The following BTBD9 variants were observed in gnomAD, a reference collection of about 807,000 sequenced individuals.
BTBD9 encodes the protein BTB/POZ domain-containing protein 9.
BTBD9 carries 49 observed loss-of-function variants against 64.3 expected under a neutral mutation model. The observed-to-expected ratio is 0.76, with a 90% confidence interval of 0.61 to 0.97. The LOEUF (loss-of-function observed/expected upper bound fraction) is 0.97, where lower values mean the gene tolerates loss of function less well. BTBD9 is among the 50% of genes least tolerant of loss of function. The pLI, the probability that BTBD9 is intolerant of heterozygous loss-of-function variation, is 0.00. For missense variants in BTBD9, 598 were observed against 762.1 expected (o/e 0.78, Z 2.53); for synonymous variants, 260 against 274.7 (o/e 0.95, Z 0.53).
At chr6:38,548,934 G>T (rs1197634543) in intron 6 of BTBD9, among the ~76,000 whole-genome samples, 1 of 152,162 alleles carries the variant, frequency 6.6e-6, no homozygotes, top group African/African-American at 2.4e-5. Flanking sequence ...TGCAGAAAGG[G>T]ACAAGAGAAC....
At chr6:38,254,475 C>A (rs12526179) in intron 9 of BTBD9, among the ~76,000 whole-genome samples, 6,655 of 149,410 alleles carry the variant, frequency 0.045, 390 homozygotes, top group East Asian at 0.19. Flanking sequence ...AACAAACAAA[C>A]AAAAAAAAAC....
chr6:38,183,393 G>A (rs1761666315), intron 10 of BTBD9, among the ~76,000 whole-genome samples: 1 of 152,212 alleles, frequency 6.6e-6, no homozygotes. Flanking sequence ...AAAGGCAAGT[G>A]TCCTGAGAGG....
intron 6 of BTBD9, among the ~76,000 whole-genome samples, chr6:38,521,806 C>G (rs1773282787): frequency 6.6e-6 from 1 of 152,102 alleles, no homozygotes; most frequent in African/African-American, 2.4e-5. Context: ...TTCCAAGTAG[C>G]TGGGATTATA....
At chr6:38,437,497 G>A (rs1768794094) in intron 6 of BTBD9, among the ~76,000 whole-genome samples, 1 of 152,156 alleles carries the variant, frequency 6.6e-6, no homozygotes, top group Non-Finnish European at 1.5e-5. Flanking sequence ...GAAGACATGT[G>A]AAAATAATAT....
intron 6 of BTBD9, among the ~76,000 whole-genome samples, chr6:38,507,836 T>C (rs1772602441): frequency 6.7e-6 from 1 of 149,252 alleles, no homozygotes; most frequent in African/African-American, 2.5e-5. Flanking sequence ...AAATTTTTTT[T>C]TTTTTTTTTT....
chr6:38,190,390 A>T (rs751732827), intron 10 of BTBD9, among the ~76,000 whole-genome samples: 3 of 148,482 alleles, frequency 2.0e-5, no homozygotes, highest in Non-Finnish European at 4.5e-5. Context: ...AATCACTTGG[A>T]CGCAGGCGGC....
At chr6:38,226,696 A>G (rs1327496018) in intron 9 of BTBD9, among the ~76,000 whole-genome samples, 3 of 152,236 alleles carry the variant, frequency 2.0e-5, no homozygotes, top group African/African-American at 7.2e-5. Context: ...TGGGCATAAG[A>G]ACACTTAAAT....
chr6:38,184,767 T>C lies in BTBD9; in HGVS notation c.1641+7752A>G, dbSNP rs1344685895. On this transcript the variant is annotated intron_variant, in intron 10 of 10. Coordinates refer to ENST00000481247, the MANE Select transcript of BTBD9 (RefSeq NM_001099272.2). This position sits in a 1 kb window ranked among gnomAD's most constrained non-coding sequence, Gnocchi z 4.4. ...ACCATGCCAGGAAGGAGCACTTGTTTCATTTTTTTCTTTAAGAGTCTGTTT... is the reference window on the plus strand; with the variant it reads ...ACCATGCCAGGAAGGAGCACTTGTTCCATTTTTTTCTTTAAGAGTCTGTTT... 2.6e-5 allele frequency among the ~76,000 whole-genome samples: 4 copies of C among 152,170 alleles called. No individual in the cohort carries two copies. Among genetic ancestry groups the C allele is most frequent in the African/African-American group, 9.7e-5 (4 of 41,436 alleles).
chr6:38,540,600 C>T (rs1172154800), intron 6 of BTBD9, among the ~76,000 whole-genome samples: 2 of 152,150 alleles, frequency 1.3e-5, no homozygotes, highest in Non-Finnish European at 2.9e-5. Flanking sequence ...GAAAGCCTGG[C>T]TCTGTTCAGA....
chr6:38,366,123 G>C (rs1277709454), intron 6 of BTBD9, among the ~76,000 whole-genome samples: 2 of 152,162 alleles, frequency 1.3e-5, no homozygotes, highest in Admixed American at 1.3e-4. Context: ...TAAAAGAAGA[G>C]TATGACCTGC....
chr6:38,317,326 C>A (rs1318815619), intron 7 of BTBD9, among the ~76,000 whole-genome samples: 1 of 152,182 alleles, frequency 6.6e-6, no homozygotes, highest in Non-Finnish European at 1.5e-5. Flanking sequence ...TCATGCCACT[C>A]TCTTCTGGCC....
At chr6:38,576,858 A>G (rs1256404591) in intron 6 of BTBD9, among the ~76,000 whole-genome samples, 3 of 152,200 alleles carry the variant, frequency 2.0e-5, no homozygotes, top group South Asian at 4.1e-4. Context: ...CAAATTCACT[A>G]ATTTGTATAG....
intron 9 of BTBD9, among the ~76,000 whole-genome samples, chr6:38,197,065 T>C (rs930203906): frequency 3.3e-5 from 5 of 152,146 alleles, no homozygotes; most frequent in Admixed American, 6.5e-5. Flanking sequence ...AGCTGGAACA[T>C]GGTAGGCGGT....
chr6:38,182,112 T>C (rs1761583135), intron 10 of BTBD9, among the ~76,000 whole-genome samples: 1 of 152,222 alleles, frequency 6.6e-6, no homozygotes, highest in Middle Eastern at 3.2e-3. Context: ...CCAAATATTT[T>C]TGCACTAAGT....
intron 9 of BTBD9, among the ~76,000 whole-genome samples, chr6:38,243,169 A>G (rs1268425524): frequency 8.5e-5 from 13 of 152,272 alleles, no homozygotes; most frequent in Non-Finnish European, 1.9e-4. Context: ...TAGGAATATA[A>G]GGACTGTAAA....
intron 7 of BTBD9, among the ~76,000 whole-genome samples, chr6:38,326,302 G>T (rs1177408092): frequency 6.6e-6 from 1 of 152,176 alleles, no homozygotes; most frequent in African/African-American, 2.4e-5. Context: ...AAAGCTAGAT[G>T]AGAATTGGTA....
intron 6 of BTBD9, among the ~76,000 whole-genome samples, chr6:38,412,716 G>A (rs1420884926): frequency 5.9e-5 from 9 of 152,048 alleles, no homozygotes; most frequent in East Asian, 1.9e-4. Context: ...AAAATTAGCC[G>A]GATGTGATGG....
intron 6 of BTBD9, among the ~76,000 whole-genome samples, chr6:38,495,032 T>A (rs1467181849): frequency 6.6e-6 from 1 of 152,244 alleles, no homozygotes; most frequent in East Asian, 1.9e-4. Context: ...AATAACTAGC[T>A]ATTTTTTCCC....
chr6:38,382,948 G>A (rs1456029866), intron 6 of BTBD9, among the ~76,000 whole-genome samples: 1 of 152,090 alleles, frequency 6.6e-6, no homozygotes, highest in African/African-American at 2.4e-5. Context: ...TTTTATAGGT[G>A]AATTCTACCA....
Sources: allele counts gnomAD v4.1 joint callset (sites outside exome capture counted in the v4.1 genomes callset), GRCh38; gene constraint gnomAD v4.1.1; non-coding constraint Gnocchi (gnomAD v3.1); transcripts MANE v1.5; gene names NCBI Gene and HGNC (gene_info 2026-07-23, HGNC 2026-07-21).